SND1: variants seen among roughly 807,000 people sequenced by gnomAD.
SND1 encodes the protein staphylococcal nuclease and tudor domain containing 1, also known as staphylococcal nuclease domain-containing protein 1.
A neutral mutation model predicts 121.7 loss-of-function variants in SND1; 38 were observed. That is an observed-to-expected ratio of 0.31 (90% CI 0.24 to 0.41). The LOEUF (loss-of-function observed/expected upper bound fraction) is 0.41, where lower values mean the gene tolerates loss of function less well. SND1 is among the 10% of genes least tolerant of loss of function. SND1 has a pLI of 1.00. For missense variants in SND1, 868 were observed against 1,184.6 expected, an observed-to-expected ratio of 0.73 and a Z score of 3.92; for synonymous variants, 401 against 447.4, an observed-to-expected ratio of 0.90 and a Z score of 1.31.
At chr7:127,940,848 A>G (rs73721261) in intron 15 of SND1, among the ~76,000 whole-genome samples, 11,764 of 152,244 alleles carry the variant, frequency 0.077, 1,387 homozygotes, top group African/African-American at 0.25. Flanking sequence ...TAAGTGTCCA[A>G]TGTGGGCAGC....
intron 16 of SND1, among the ~76,000 whole-genome samples, chr7:128,071,382 TATAGAA>T (rs1161031930): frequency 1.3e-5 from 2 of 152,232 alleles, no homozygotes; most frequent in African/African-American, 4.8e-5. Flanking sequence ...AAATTCTCTC[TATAGAA>T]CAAAATTACC....
chr7:127,744,700 A>G (rs1285912361), intron 10 of SND1, among the ~76,000 whole-genome samples: 1 of 152,214 alleles, frequency 6.6e-6, no homozygotes, highest in Non-Finnish European at 1.5e-5. Flanking sequence ...TTGTCAGATG[A>G]TAACCTTTAA....
Position 127,718,702 on chromosome 7 carries a change from C to T in SND1, c.1039-2585C>T, listed in dbSNP as rs1796434947. The T allele has an allele frequency of 3.0e-6, 3 of 985,356 alleles. No individual in the cohort carries two copies. The South Asian group carries it at 1.4e-4, about 46-fold the overall frequency. The allele number at this position is 985,356 out of a possible 1,614,324, so 61.0% of individuals were successfully genotyped here. On this transcript the variant is annotated intron_variant, in intron 9 of 23. Coordinates refer to ENST00000354725, the MANE Select transcript of SND1 (RefSeq NM_014390.4). ...ACATATTACAAGGGGTGCCTAATTCCAGTAACTTGTTACAGGACATCCTTA... is the reference window on the plus strand; with the variant it reads ...ACATATTACAAGGGGTGCCTAATTCTAGTAACTTGTTACAGGACATCCTTA...
At chr7:127,807,664 G>A in intron 11 of SND1, 91 bp downstream of exon 11, 3 of 927,092 alleles carry the variant, frequency 3.2e-6, no homozygotes, top group Non-Finnish European at 5.3e-6. Context: ...CCCTTTACCA[G>A]CAGATGACAC....
At chr7:127,994,162 G>T (rs912905021) in intron 16 of SND1, among the ~76,000 whole-genome samples, 3 of 152,232 alleles carry the variant, frequency 2.0e-5, no homozygotes, top group Admixed American at 6.5e-5. Flanking sequence ...TTTTCAGGTG[G>T]CTCCCATTAT....
chr7:127,841,229 G>T (rs980516125), intron 11 of SND1, among the ~76,000 whole-genome samples: 6 of 151,974 alleles, frequency 3.9e-5, no homozygotes, highest in Non-Finnish European at 7.4e-5. Flanking sequence ...AAGGAGATTT[G>T]GCATTGGGAG....
chr7:127,675,222 A>AT (rs1312313426), intron 1 of SND1, among the ~76,000 whole-genome samples: 1 of 151,680 alleles, frequency 6.6e-6, no homozygotes, highest in Non-Finnish European at 1.5e-5. Flanking sequence ...AAAACCCTTC[A>AT]TTTTTTTTCC....
intron 10 of SND1, among the ~76,000 whole-genome samples, chr7:127,781,288 G>A (rs560934746): frequency 3.3e-5 from 5 of 152,234 alleles, no homozygotes; most frequent in Middle Eastern, 3.4e-3. Context: ...GAAGTAATAC[G>A]TTATTATTAG....
At chr7:127,826,179 G>A (rs146450799) in intron 11 of SND1, among the ~76,000 whole-genome samples, 75 of 152,228 alleles carry the variant, frequency 4.9e-4, no homozygotes, top group African/African-American at 1.5e-3. Context: ...CCACAAGAGC[G>A]AAACTCAGTC....
At chr7:127,684,841 G>A (rs1216480237) in intron 1 of SND1, among the ~76,000 whole-genome samples, 1 of 152,118 alleles carries the variant, frequency 6.6e-6, no homozygotes, top group Non-Finnish European at 1.5e-5. Flanking sequence ...GTGTGCTTAA[G>A]GTGTTGGGGA....
chr7:127,768,198 GT>G (rs1797453808), intron 10 of SND1, among the ~76,000 whole-genome samples: 1 of 152,138 alleles, frequency 6.6e-6, no homozygotes, highest in South Asian at 2.1e-4. Context: ...TAGAGGCAAT[GT>G]TTGTGTTCTC....
intron 16 of SND1, among the ~76,000 whole-genome samples, chr7:128,067,715 T>C (rs1350470732): frequency 6.6e-6 from 1 of 152,172 alleles, no homozygotes; most frequent in African/African-American, 2.4e-5. Flanking sequence ...CCTCAGGCAT[T>C]GTGCACTGCA....
At chr7:127,662,811 C>T (rs2116238608) in intron 1 of SND1, among the ~76,000 whole-genome samples, 1 of 152,116 alleles carries the variant, frequency 6.6e-6, no homozygotes, top group Non-Finnish European at 1.5e-5. Context: ...TCCCCAACCT[C>T]CCAATATCTG....
intron 13 of SND1, among the ~76,000 whole-genome samples, chr7:127,889,461 CATT>C (rs1799970206): frequency 6.6e-6 from 1 of 151,926 alleles, no homozygotes; most frequent in South Asian, 2.1e-4. Context: ...GTAATAATCA[CATT>C]ATGTAAAATG....
intron 12 of SND1, among the ~76,000 whole-genome samples, chr7:127,854,658 T>C (rs1320476079): frequency 2.6e-5 from 4 of 151,814 alleles, no homozygotes; most frequent in Non-Finnish European, 2.9e-5. Context: ...TATTTATTTA[T>C]TTAGAATAGT....
intron 9 of SND1, 128 bp downstream of exon 9, chr7:127,707,775 G>GTC: frequency 2.4e-6 from 1 of 423,352 alleles, no homozygotes. Context: ...GAGTGTGTGT[G>GTC]TGTGTGTGTG....
intron 16 of SND1, among the ~76,000 whole-genome samples, chr7:128,045,926 A>C (rs1792938008): frequency 6.6e-6 from 1 of 152,186 alleles, no homozygotes; most frequent in Non-Finnish European, 1.5e-5. Flanking sequence ...AAAAAGAAAA[A>C]AATCCTTCCC....
At chr7:127,814,550 T>G (rs1319319174) in intron 11 of SND1, among the ~76,000 whole-genome samples, 1 of 151,954 alleles carries the variant, frequency 6.6e-6, no homozygotes, top group East Asian at 1.9e-4. Flanking sequence ...TTCAGTATTT[T>G]TTTCTCCAGC....
chr7:128,043,230 T>G (rs1693544463), intron 16 of SND1, among the ~76,000 whole-genome samples: 1 of 152,120 alleles, frequency 6.6e-6, no homozygotes, highest in Non-Finnish European at 1.5e-5. Flanking sequence ...TGATGCTGGG[T>G]TTTTTTAATA....
Sources: allele counts gnomAD v4.1 joint callset (sites outside exome capture counted in the v4.1 genomes callset), GRCh38; gene constraint gnomAD v4.1.1; transcripts MANE v1.5; gene names NCBI Gene and HGNC (gene_info 2026-07-23, HGNC 2026-07-21).